The following KIRREL3 variants were observed in gnomAD, a reference collection of about 807,000 sequenced individuals.
KIRREL3 encodes kirre like nephrin family adhesion molecule 3.
Under a neutral mutation model 89.7 loss-of-function variants are expected in KIRREL3, and 36 were observed. The ratio of observed to expected loss-of-function variants is 0.40; its 90% CI spans 0.31 to 0.53. KIRREL3 has a LOEUF of 0.53. Ranked by LOEUF, KIRREL3 falls within the 20% of genes least tolerant of loss-of-function variation. The pLI, the probability that KIRREL3 is intolerant of heterozygous loss-of-function variation, is 0.49. For synonymous variants in KIRREL3, 445 were observed against 441.4 expected (o/e 1.01, Z -0.10); for missense variants, 864 against 1,056.6 (o/e 0.82, Z 2.53).
At chr11:126,745,162 C>T (rs1949102167) in intron 1 of KIRREL3, among the ~76,000 whole-genome samples, 1 of 152,136 alleles carries the variant, frequency 6.6e-6, no homozygotes, top group Admixed American at 6.5e-5. Context: ...GCCACACATA[C>T]TGGTTTCTCC....
intron 13 of KIRREL3, among the ~76,000 whole-genome samples, chr11:126,433,872 TG>T (rs1457629279): frequency 6.6e-6 from 1 of 152,238 alleles, no homozygotes; most frequent in Non-Finnish European, 1.5e-5. Flanking sequence ...TTAACACCTC[TG>T]GGCCTCAGTG....
Position 126,995,595 on chromosome 11 carries a change from A to T in KIRREL3, c.55+4860T>A. On this transcript the variant is annotated intron_variant, in intron 1 of 16. Coordinates refer to ENST00000525144, the MANE Select transcript of KIRREL3 (RefSeq NM_032531.4). This position sits in a 1 kb window ranked among gnomAD's most constrained non-coding sequence, Gnocchi z 6.5. ...ACCAGTGCTTTTGGCCCTCCTCCTC[A>T]CTCCTCCAGTATGGGCAATTTTCTT... 1 of 270,130 alleles carries T rather than the reference A, an allele frequency of 3.7e-6. No individual in the cohort carries two copies. The allele number at this position is 270,130 out of a possible 1,614,324, so 16.7% of individuals were successfully genotyped here. A position where few individuals can be genotyped will look rare whatever the true frequency, so the allele number is the denominator to read the frequency against.
chr11:126,707,932 A>G (rs548119504), intron 1 of KIRREL3, among the ~76,000 whole-genome samples: 5 of 151,522 alleles, frequency 3.3e-5, no homozygotes, highest in Middle Eastern at 3.4e-3. Context: ...TTTGTGGGCC[A>G]TCCCCATGCA....
At position 126,435,279 on chromosome 11, in the gene KIRREL3, C is replaced by T; in HGVS notation, c.1577G>A (p.Gly526Glu). ...ATCTCCTTCCGTACCTGCTTCCAGC[C>T]CGGCTCCCGACTTCATTTCCGAACC... ...EQGSEMKSGA[G>E]LEAESVPMAV... The change falls in exon 13 of 17, where the codon GGG (glycine) becomes GAG (glutamate). Residue 526 changes from glycine (G) to glutamate (E), a missense_variant. Transcript: ENST00000525144. 6.2e-7 allele frequency: 1 copy of T among 1,613,858 alleles called. No individual in the cohort carries two copies. Among genetic ancestry groups the T allele is most frequent in the Non-Finnish European group, 8.5e-7 (1 of 1,179,842 alleles).
rs565039261 is a variant in KIRREL3 at position 126,425,727 on chromosome 11, G to A, written c.1807-3C>T. ...TGCTGGAATTCACCCCGGTCCATCT[G>A]CAACCCAAAAAAGGCTGCTCAGTAG... On this transcript the variant is annotated splice_region_variant and splice_polypyrimidine_tract_variant and intron_variant, in intron 15 of 16. Transcript: ENST00000525144. 82 of 1,591,206 alleles carry A rather than the reference G, an allele frequency of 5.2e-5. 1 individual carries two copies. The South Asian group carries it at 9.3e-4, about 18-fold the overall frequency.
chr11:126,981,309 A>G lies in KIRREL3; in HGVS notation c.55+19146T>C, dbSNP rs910619458. Among the ~76,000 whole-genome samples, 2 of 152,216 alleles carry G rather than the reference A, an allele frequency of 1.3e-5. No individual in the cohort carries two copies. Among genetic ancestry groups the G allele is most frequent in the African/African-American group, 4.8e-5 (2 of 41,456 alleles). The stretch of plus-strand genomic sequence containing the variant: ...AGGCAGGCTACAGATGTTACTGCTG[A>G]TGGCTGCAGTGACCAGTATCAAGTG... On this transcript the variant is annotated intron_variant, in intron 1 of 16. Transcript: ENST00000525144. The surrounding 1 kb of genome is among the most constrained non-coding windows in gnomAD (Gnocchi z 4.2).
chr11:126,589,372 C>T (rs1168869315), intron 1 of KIRREL3, among the ~76,000 whole-genome samples: 1 of 152,208 alleles, frequency 6.6e-6, no homozygotes, highest in Non-Finnish European at 1.5e-5. Flanking sequence ...CCAGCTTTGT[C>T]CGGGAACTGT....
intron 6 of KIRREL3, among the ~76,000 whole-genome samples, chr11:126,460,059 G>T (rs1262237239): frequency 6.6e-6 from 1 of 151,070 alleles, no homozygotes; most frequent in Non-Finnish European, 1.5e-5. Context: ...TTAGTAAACA[G>T]TTGGATGCTG....
rs1944520050 is a variant in KIRREL3, at chr11:126,642,794, G to A, written c.56-79882C>T. ...AAAGAATGTCTTTATGTCCCTTCAA[G>A]GGTTATGATTTTGTATGTGCAAAAT... On this transcript the variant is annotated intron_variant, in intron 1 of 16. Coordinates refer to ENST00000525144, the MANE Select transcript of KIRREL3 (RefSeq NM_032531.4). The surrounding 1 kb of genome is among the most constrained non-coding windows in gnomAD (Gnocchi z 4.9). Among the ~76,000 whole-genome samples, 2 of 152,172 alleles carry A rather than the reference G, an allele frequency of 1.3e-5. No individual in the cohort carries two copies. Among genetic ancestry groups the A allele is most frequent in the Non-Finnish European group, 2.9e-5 (2 of 68,022 alleles).
At chr11:126,945,150 T>C (rs1454672088) in intron 1 of KIRREL3, 1 of 152,274 alleles carries the variant, frequency 6.6e-6, no homozygotes, top group East Asian at 1.9e-4. Context: ...ATGACAAAAC[T>C]GCTTTGACAT....
At chr11:126,873,226 A>T (rs1034401507) in intron 1 of KIRREL3, among the ~76,000 whole-genome samples, 1 of 152,214 alleles carries the variant, frequency 6.6e-6, no homozygotes, top group Admixed American at 6.5e-5. Context: ...TAGCTTCATA[A>T]AGTCTGTCAG....
chr11:126,631,352 G>A (rs1944018787), intron 1 of KIRREL3, among the ~76,000 whole-genome samples: 2 of 152,190 alleles, frequency 1.3e-5, no homozygotes, highest in Non-Finnish European at 2.9e-5. Flanking sequence ...GCCAGAGTTT[G>A]AAGCAGAACG....
chr11:126,564,686 C>T lies in KIRREL3; in HGVS notation c.56-1774G>A, dbSNP rs1221192765. The stretch of plus-strand genomic sequence containing the variant: ...TTCTTCAGGGGCTCCTGCTCTGTCG[C>T]AGGCCTCATGGATCAAAGCCCCTTT... On this transcript the variant is annotated intron_variant, in intron 1 of 16. Coordinates refer to ENST00000525144, the MANE Select transcript of KIRREL3 (RefSeq NM_032531.4). The surrounding 1 kb of genome is among the most constrained non-coding windows in gnomAD (Gnocchi z 7.4). Among the ~76,000 whole-genome samples the T allele has an allele frequency of 6.6e-6, 1 of 152,218 alleles. No individual in the cohort carries two copies. Among genetic ancestry groups the T allele is most frequent in the Non-Finnish European group, 1.5e-5 (1 of 68,040 alleles).
chr11:126,785,863 A>G, intron 1 of KIRREL3, among the ~76,000 whole-genome samples: 1 of 120,260 alleles, frequency 8.3e-6, no homozygotes, highest in Non-Finnish European at 1.6e-5. Flanking sequence ...ACACAGCGAG[A>G]CTCCGTCTCA....
chr11:126,790,025 C>A (rs1950591147), intron 1 of KIRREL3, among the ~76,000 whole-genome samples: 1 of 152,190 alleles, frequency 6.6e-6, no homozygotes, highest in Non-Finnish European at 1.5e-5. Flanking sequence ...TCATTATTCT[C>A]CCCACACCAC....
At position 126,484,700 on chromosome 11, in the gene KIRREL3, G is replaced by A. The variant is rs1433279740; in HGVS notation, c.434-11234C>T. 6.6e-6 allele frequency among the ~76,000 whole-genome samples: 1 copy of A among 152,068 alleles called. No individual in the cohort carries two copies. The highest frequency in any genetic ancestry group is 2.4e-5 in the African/African-American group (1 of 41,408). On this transcript the variant is annotated intron_variant, in intron 4 of 16. Coordinates refer to ENST00000525144, the MANE Select transcript of KIRREL3 (RefSeq NM_032531.4). The surrounding 1 kb of genome is among the most constrained non-coding windows in gnomAD (Gnocchi z 5.2). ...TTTTATCTGGCAATCCTGTAGATGT[G>A]TTAATTACATATATGTGATTTAATT...
At chr11:126,532,680 TGATCTA>T (rs977303185) in intron 2 of KIRREL3, among the ~76,000 whole-genome samples, 2 of 47,312 alleles carry the variant, frequency 4.2e-5, no homozygotes, top group Non-Finnish European at 8.3e-5. Context: ...CTGGCCCAGA[TGATCTA>T]AAGGGAGGTA....
chr11:126,455,440 G>A lies in KIRREL3; in HGVS notation c.848+909C>T, dbSNP rs914185766. Reference sequence around the variant, plus strand: ...GCTGAGAGCCATCAGTGACTAAATTGCAGTTCCTGCCTTCAAGAAGCTCTG... The same window carrying A: ...GCTGAGAGCCATCAGTGACTAAATTACAGTTCCTGCCTTCAAGAAGCTCTG... On this transcript the variant is annotated intron_variant, in intron 7 of 16. Coordinates refer to ENST00000525144, the MANE Select transcript of KIRREL3 (RefSeq NM_032531.4). The surrounding 1 kb of genome is among the most constrained non-coding windows in gnomAD (Gnocchi z 6.4). 1.4e-4 allele frequency among the ~76,000 whole-genome samples: 22 copies of A among 152,172 alleles called. No individual in the cohort carries two copies. The highest frequency in any genetic ancestry group is 3.4e-4 in the African/African-American group (14 of 41,430).
chr11:126,880,041 A>G (rs1411835238), intron 1 of KIRREL3, among the ~76,000 whole-genome samples: 1 of 152,200 alleles, frequency 6.6e-6, no homozygotes, highest in Non-Finnish European at 1.5e-5. Context: ...TGGCTGCCCT[A>G]CTTCTCTCTT....
Sources: allele counts gnomAD v4.1 joint callset (sites outside exome capture counted in the v4.1 genomes callset), GRCh38; gene constraint gnomAD v4.1.1; non-coding constraint Gnocchi (gnomAD v3.1); transcripts MANE v1.5; gene names NCBI Gene and HGNC (gene_info 2026-07-23, HGNC 2026-07-21).